SLC35F4: variants seen among roughly 807,000 people sequenced by gnomAD.
SLC35F4 encodes the protein solute carrier family 35 member F4.
SLC35F4 carries 24 observed loss-of-function variants against 44.2 expected under a neutral mutation model. That is an observed-to-expected ratio of 0.54 (90% confidence interval 0.39 to 0.76). The LOEUF (loss-of-function observed/expected upper bound fraction) is 0.76, where lower values mean the gene tolerates loss of function less well. Ranked by LOEUF, SLC35F4 falls within the 30% of genes least tolerant of loss-of-function variation. SLC35F4 has a pLI of 0.00. For missense variants in SLC35F4, 562 were observed against 586.1 expected (o/e 0.96, Z 0.42); for synonymous variants, 238 against 223.6 (o/e 1.06, Z -0.57).
intron 3 of SLC35F4, among the ~76,000 whole-genome samples, chr14:57,582,256 C>CG (rs2069334908): frequency 6.6e-6 from 1 of 152,064 alleles, no homozygotes; most frequent in African/African-American, 2.4e-5. Context: ...AATGCGGTAG[C>CG]ATGATCTTGG....
At chr14:57,968,795 C>A (rs1880966770) in intron 1 of SLC35F4, among the ~76,000 whole-genome samples, 1 of 152,202 alleles carries the variant, frequency 6.6e-6, no homozygotes, top group Non-Finnish European at 1.5e-5. Flanking sequence ...ATAGTAAACC[C>A]CATCTTTGAA....
chr14:57,764,813 T>A (rs1266575943), intron 1 of SLC35F4, among the ~76,000 whole-genome samples: 1 of 152,148 alleles, frequency 6.6e-6, no homozygotes, highest in Non-Finnish European at 1.5e-5. Context: ...AGGCTGCCAC[T>A]CCAAACAACT....
At chr14:57,676,985 G>A (rs534423136) in intron 1 of SLC35F4, among the ~76,000 whole-genome samples, 6 of 152,106 alleles carry the variant, frequency 3.9e-5, no homozygotes, top group South Asian at 2.1e-4. Flanking sequence ...AGTACAACTC[G>A]CAATTGCAAA....
intron 1 of SLC35F4, among the ~76,000 whole-genome samples, chr14:57,808,804 T>C (rs1170823562): frequency 6.6e-6 from 1 of 152,198 alleles, no homozygotes; most frequent in African/African-American, 2.4e-5. Flanking sequence ...AGACTCCGTC[T>C]CAAAAAGAAA....
chr14:57,693,243 T>C (rs1317854295), intron 1 of SLC35F4, among the ~76,000 whole-genome samples: 2 of 152,222 alleles, frequency 1.3e-5, no homozygotes, highest in South Asian at 2.1e-4. Context: ...ACAACATTTA[T>C]GTAAGGTCAG....
intron 1 of SLC35F4, among the ~76,000 whole-genome samples, chr14:57,812,435 G>A (rs914326754): frequency 3.9e-5 from 6 of 152,140 alleles, no homozygotes; most frequent in African/African-American, 1.4e-4. Flanking sequence ...TCCTGGAAAA[G>A]GGCGGCTTAG....
At chr14:57,937,632 AAAGAAAAG>A (rs1889836906) in intron 1 of SLC35F4, among the ~76,000 whole-genome samples, 1 of 133,642 alleles carries the variant, frequency 7.5e-6, no homozygotes, top group African/African-American at 3.1e-5. Context: ...AAAGAAAAGA[AAAGAAAAG>A]AAAAGAAAAG....
chr14:57,810,785 A>G (rs1881875901), intron 1 of SLC35F4, among the ~76,000 whole-genome samples: 1 of 152,240 alleles, frequency 6.6e-6, no homozygotes, highest in Non-Finnish European at 1.5e-5. Context: ...GCTAGTCTCA[A>G]AGAAAAAGGC....
At chr14:57,668,188 T>TC in intron 1 of SLC35F4, among the ~76,000 whole-genome samples, 1 of 151,470 alleles carries the variant, frequency 6.6e-6, no homozygotes, top group East Asian at 1.9e-4. Context: ...GTTGTTTTTT[T>TC]CTTGTAAATT....
intron 1 of SLC35F4, among the ~76,000 whole-genome samples, chr14:57,771,874 A>G (rs1463245401): frequency 6.6e-6 from 1 of 152,216 alleles, no homozygotes; most frequent in Non-Finnish European, 1.5e-5. Context: ...GATTGCAGGT[A>G]TAAGCCACTG....
In SLC35F4 at chr14:57,909,938, A is replaced by C. The variant is rs527575339; in HGVS notation, n.282+71975T>G. ...CTTTACTATTTTCATTCCTGTCAGC[A>C]ATGAATGAGAGTTCAGAATTTGGTG... On this transcript the variant is annotated intron_variant and non_coding_transcript_variant, in intron 1 of 1. Transcript: ENST00000556568. 1.2e-4 allele frequency among the ~76,000 whole-genome samples: 19 copies of C among 152,312 alleles called. No individual in the cohort carries two copies. The East Asian group carries it at 2.1e-3, about 17-fold the overall frequency.
chr14:57,960,280 G>GT (rs1890314540), intron 1 of SLC35F4, among the ~76,000 whole-genome samples: 1 of 151,968 alleles, frequency 6.6e-6, no homozygotes, highest in South Asian at 2.1e-4. Context: ...TGTGAACACT[G>GT]CCCCAAGAAG....
intron 1 of SLC35F4, among the ~76,000 whole-genome samples, chr14:57,734,203 A>T (rs369865222): frequency 7.9e-5 from 12 of 152,178 alleles, no homozygotes; most frequent in African/African-American, 2.9e-4. Context: ...GTGTGTTTGG[A>T]AGACAAACAG....
chr14:57,953,523 C>A (rs1392941042), intron 1 of SLC35F4, among the ~76,000 whole-genome samples: 1 of 152,016 alleles, frequency 6.6e-6, no homozygotes, highest in African/African-American at 2.4e-5. Context: ...TGTGCTGTAT[C>A]CAGGAGAACC....
intron 1 of SLC35F4, among the ~76,000 whole-genome samples, chr14:57,952,010 G>A (rs1175205243): frequency 6.6e-6 from 1 of 152,220 alleles, no homozygotes; most frequent in Non-Finnish European, 1.5e-5. Flanking sequence ...CCCAGCAGGG[G>A]TCGACAGATA....
At chr14:57,669,350 A>T (rs2074429703) in intron 1 of SLC35F4, among the ~76,000 whole-genome samples, 1 of 152,188 alleles carries the variant, frequency 6.6e-6, no homozygotes, top group Non-Finnish European at 1.5e-5. Context: ...TGCCCTGACC[A>T]GAACTTCCAA....
chr14:57,905,014 A>ATCTC (rs1889080125), intron 1 of SLC35F4, among the ~76,000 whole-genome samples: 2 of 152,182 alleles, frequency 1.3e-5, no homozygotes, highest in Non-Finnish European at 2.9e-5. Context: ...TAACAATAAG[A>ATCTC]ATAATTTTAT....
intron 1 of SLC35F4, among the ~76,000 whole-genome samples, chr14:57,688,910 T>A (rs2075144982): frequency 6.6e-6 from 1 of 152,194 alleles, no homozygotes; most frequent in African/African-American, 2.4e-5. Flanking sequence ...GTTAAAACAG[T>A]GCTGTGGCAG....
At chr14:57,903,684 A>G (rs1021634568) in intron 1 of SLC35F4, among the ~76,000 whole-genome samples, 4 of 152,254 alleles carry the variant, frequency 2.6e-5, no homozygotes, top group African/African-American at 9.6e-5. Context: ...GTCCACTGTC[A>G]TAAGACAAGA....
Sources: allele counts gnomAD v4.1 joint callset (sites outside exome capture counted in the v4.1 genomes callset), GRCh38; gene constraint gnomAD v4.1.1; transcripts MANE v1.5; gene names NCBI Gene and HGNC (gene_info 2026-07-23, HGNC 2026-07-21).